Variants in SOX5 observed in about 807,000 individuals in gnomAD.
The protein encoded by SOX5 is transcription factor SOX-5.
A neutral mutation model predicts 92.0 loss-of-function variants in SOX5; 9 were observed. That is an observed-to-expected ratio of 0.10 (90% CI 0.06 to 0.17). The LOEUF (loss-of-function observed/expected upper bound fraction) is 0.17. Among genes scored for constraint, SOX5 ranks in the 10% least tolerant of loss-of-function variants. The pLI, the probability that SOX5 is intolerant of heterozygous loss-of-function variation, is 1.00. For missense variants in SOX5, 642 were observed against 944.5 expected (o/e 0.68, Z 4.20); for synonymous variants, 344 against 336.3 (o/e 1.02, Z -0.25).
rs139389075 is a variant in SOX5 at position 24,555,248 on chromosome 12, G to C, written c.-251+7081C>G. Among the ~76,000 whole-genome samples, 14 of 152,314 alleles carry C rather than the reference G, an allele frequency of 9.2e-5. No homozygotes were observed. In the East Asian group the frequency reaches 2.5e-3, roughly 27 times the overall value. On this transcript the variant is annotated intron_variant, in intron 1 of 4. Transcript: ENST00000446891. ...CAGTGCGTTGCTACTCAACTGAATA[G>C]AAAGCCTAGAGAGGTAAGGAAATGA...
At chr12:23,641,756 T>C (rs933448564) in intron 7 of SOX5, among the ~76,000 whole-genome samples, 1 of 152,188 alleles carries the variant, frequency 6.6e-6, no homozygotes, top group Non-Finnish European at 1.5e-5. Flanking sequence ...ATGTACATTA[T>C]TTGTCATCTG....
chr12:23,760,202 A>AT (rs1173695177), intron 3 of SOX5, among the ~76,000 whole-genome samples: 1 of 152,064 alleles, frequency 6.6e-6, no homozygotes, highest in East Asian at 1.9e-4. Flanking sequence ...GCCAGATACA[A>AT]TTTTGTCAGT....
At position 23,878,991 on chromosome 12, in the gene SOX5, A is replaced by G. The variant is rs559986106; in HGVS notation, c.270+16802T>C. Among the ~76,000 whole-genome samples the G allele has an allele frequency of 3.3e-5, 5 of 152,104 alleles. No individual in the cohort carries two copies. In the East Asian group the frequency reaches 9.7e-4, roughly 29 times the overall value. Reference sequence around the variant, plus strand: ...AGTTTGCCAGAATCTTCTCCTGTTTATTTTTTGACATGTTGCTGCTTCATA... The same window carrying G: ...AGTTTGCCAGAATCTTCTCCTGTTTGTTTTTTGACATGTTGCTGCTTCATA... On this transcript the variant is annotated intron_variant, in intron 2 of 14. Transcript: ENST00000451604.
At chr12:24,234,022 G>A (rs868734740) in intron 3 of SOX5, among the ~76,000 whole-genome samples, 18 of 151,982 alleles carry the variant, frequency 1.2e-4, no homozygotes, top group Admixed American at 4.6e-4. Context: ...ATCCAATTTG[G>A]TCTGTCCAAA....
At chr12:24,040,666 A>G (rs1956426557) in intron 4 of SOX5, among the ~76,000 whole-genome samples, 1 of 152,150 alleles carries the variant, frequency 6.6e-6, no homozygotes, top group Admixed American at 6.5e-5. Context: ...AGGTCAGGAG[A>G]TGGAGACCAT....
chr12:24,261,093 A>G (rs914964451), intron 3 of SOX5, among the ~76,000 whole-genome samples: 1 of 152,216 alleles, frequency 6.6e-6, no homozygotes, highest in African/African-American at 2.4e-5. Flanking sequence ...TGAGTGTTCA[A>G]TATATGCTAA....
At position 23,529,663 on chromosome 12, in the gene SOX5, A is replaced by T. The variant is rs987269519; in HGVS notation, c.*4556T>A. On this transcript the variant is annotated 3_prime_UTR_variant, in exon 15 of 15. Transcript: ENST00000451604. ...TTAAGAGCACATAAACTCCTGTTTT[A>T]TTTTTATTGTGGCATGAATGATAAC... The T allele has an allele frequency of 3.3e-5, 5 of 152,140 alleles. No individual in the cohort carries two copies. The highest frequency in any genetic ancestry group is 9.6e-5 in the African/African-American group (4 of 41,466). The allele number at this position is 152,140 out of a possible 1,614,324, so 9.4% of individuals were successfully genotyped here. A position where few individuals can be genotyped will look rare whatever the true frequency, so the allele number is the denominator to read the frequency against.
chr12:24,012,977 T>C (rs1953131669), intron 4 of SOX5, among the ~76,000 whole-genome samples: 1 of 152,164 alleles, frequency 6.6e-6, no homozygotes, highest in Admixed American at 6.6e-5. Context: ...TGGTGATCAC[T>C]TCATTCCCAT....
At chr12:24,306,152 T>C (rs968101454) in intron 2 of SOX5, among the ~76,000 whole-genome samples, 1 of 152,132 alleles carries the variant, frequency 6.6e-6, no homozygotes, top group African/African-American at 2.4e-5. Context: ...GAAAGTGGAA[T>C]TCAGGGCTGG....
rs191213568 is a variant in SOX5 at position 23,539,867 on chromosome 12, A to G, written c.1772-3198T>C. On this transcript the variant is annotated intron_variant, in intron 13 of 14. Coordinates refer to ENST00000451604, the MANE Select transcript of SOX5 (RefSeq NM_006940.6). ...AAGTACTAACCGGGTCAAATGGCTG[A>G]CTGACTACTATATTTTATGACAGTA... Among the ~76,000 whole-genome samples the G allele has an allele frequency of 3.9e-3, 598 of 152,236 alleles. 7 individuals carry two copies. The highest frequency in any genetic ancestry group is 4.4e-3 in the Non-Finnish European group (300 of 68,002).
chr12:24,424,946 G>C lies in SOX5; in HGVS notation c.-250-56307C>G, dbSNP rs112557158. 4.0e-3 allele frequency among the ~76,000 whole-genome samples: 603 copies of C among 152,054 alleles called. 4 individuals are homozygous for C. Among genetic ancestry groups the C allele is most frequent in the Middle Eastern group, 0.017 (5 of 294 alleles). The stretch of plus-strand genomic sequence containing the variant: ...GGTTTACCTGCCATAGGCTTTTACA[G>C]TTTCAATTACAAGATAATCAGTACG... On this transcript the variant is annotated intron_variant, in intron 1 of 4. Transcript: ENST00000446891.
chr12:24,374,284 T>C (rs1957022782), intron 1 of SOX5, among the ~76,000 whole-genome samples: 2 of 151,908 alleles, frequency 1.3e-5, no homozygotes, highest in African/African-American at 4.8e-5. Flanking sequence ...GTGGCAGGAG[T>C]TGAGGGTGGC....
At chr12:23,895,478 C>T (rs2097167916) in intron 2 of SOX5, among the ~76,000 whole-genome samples, 1 of 151,982 alleles carries the variant, frequency 6.6e-6, no homozygotes, top group South Asian at 2.1e-4. Flanking sequence ...AAGTATGACA[C>T]CAAATTTTCA....
At chr12:24,250,751 G>C (rs1939873054) in intron 3 of SOX5, among the ~76,000 whole-genome samples, 1 of 152,098 alleles carries the variant, frequency 6.6e-6, no homozygotes, top group Non-Finnish European at 1.5e-5. Flanking sequence ...GATCACTGAA[G>C]GTACCCAAAC....
chr12:23,750,497 GA>G (rs1005276492), intron 4 of SOX5, among the ~76,000 whole-genome samples: 2 of 151,794 alleles, frequency 1.3e-5, no homozygotes, highest in African/African-American at 4.8e-5. Flanking sequence ...TACAAAACAG[GA>G]AAAGGTTTTA....
At chr12:24,334,791 C>T (rs73064424) in intron 2 of SOX5, among the ~76,000 whole-genome samples, 10 of 152,126 alleles carry the variant, frequency 6.6e-5, no homozygotes, top group Admixed American at 4.6e-4. Context: ...GGAATACATC[C>T]ACATGACAAC....
chr12:24,259,232 G>A (rs1214885100), intron 3 of SOX5, among the ~76,000 whole-genome samples: 1 of 152,160 alleles, frequency 6.6e-6, no homozygotes, highest in African/African-American at 2.4e-5. Flanking sequence ...GAGCGAGAGA[G>A]AGAGCAAGTG....
intron 9 of SOX5, among the ~76,000 whole-genome samples, chr12:23,581,753 T>C (rs1490581674): frequency 6.6e-6 from 1 of 152,128 alleles, no homozygotes; most frequent in African/African-American, 2.4e-5. Context: ...TTACTTTTTA[T>C]TTAAAACCTA....
intron 2 of SOX5, among the ~76,000 whole-genome samples, chr12:24,329,242 G>A (rs960153485): frequency 6.6e-6 from 1 of 152,124 alleles, no homozygotes; most frequent in Non-Finnish European, 1.5e-5. Context: ...CCGAGACTCG[G>A]TAATTTATAA....
Sources: gnomAD v4.1 joint callset for allele counts (sites outside exome capture counted in the v4.1 genomes callset) on GRCh38, gnomAD v4.1.1 for gene constraint, MANE v1.5 for transcripts, NCBI Gene and HGNC (gene_info 2026-07-23, HGNC 2026-07-21) for gene names.